SDCCAG8: variants seen among roughly 807,000 people sequenced by gnomAD.
SDCCAG8 encodes serologically defined colon cancer antigen 8.
A neutral mutation model predicts 101.8 loss-of-function variants in SDCCAG8; 74 were observed. The observed-to-expected ratio is 0.73, with a 90% CI of 0.60 to 0.88. The LOEUF is 0.88. Among genes scored for constraint, SDCCAG8 ranks in the 40% least tolerant of loss-of-function variants. The pLI, the probability that SDCCAG8 is intolerant of heterozygous loss-of-function variation, is 0.00. For synonymous variants in SDCCAG8, 281 were observed against 292.9 expected (o/e 0.96, Z 0.41); for missense variants, 787 against 822.6 (o/e 0.96, Z 0.53).
At chr1:243,483,903 G>A (rs1664273687) in intron 16 of SDCCAG8, among the ~76,000 whole-genome samples, 1 of 152,282 alleles carries the variant, frequency 6.6e-6, no homozygotes, top group African/African-American at 2.4e-5. Flanking sequence ...GTGCGGGCCC[G>A]GAGAGCTGCA....
intron 16 of SDCCAG8, among the ~76,000 whole-genome samples, chr1:243,439,522 G>C (rs2082382974): frequency 6.6e-6 from 1 of 151,936 alleles, no homozygotes; most frequent in Non-Finnish European, 1.5e-5. Context: ...CTACTCCAGA[G>C]GCTGAGGCAG....
intron 16 of SDCCAG8, among the ~76,000 whole-genome samples, chr1:243,465,683 A>G (rs1035855971): frequency 6.6e-6 from 1 of 152,256 alleles, no homozygotes; most frequent in Non-Finnish European, 1.5e-5. Context: ...TTCAGACACT[A>G]TAATTTAAAT....
chr1:243,393,792 G>A (rs1369469164), intron 13 of SDCCAG8, among the ~76,000 whole-genome samples: 1 of 152,158 alleles, frequency 6.6e-6, no homozygotes, highest in African/African-American at 2.4e-5. Context: ...TACCACATAT[G>A]TCTTTCACAA....
intron 16 of SDCCAG8, among the ~76,000 whole-genome samples, chr1:243,453,476 T>C (rs563837411): frequency 7.4e-4 from 113 of 152,270 alleles, no homozygotes; most frequent in Non-Finnish European, 1.5e-3. Context: ...GACAGGGTGT[T>C]GTTTAAATAG....
At chr1:243,427,874 G>A (rs1166994378) in intron 16 of SDCCAG8, among the ~76,000 whole-genome samples, 2 of 152,168 alleles carry the variant, frequency 1.3e-5, no homozygotes, top group African/African-American at 4.8e-5. Context: ...GTCTGCAAAC[G>A]TTTTCCGTAA....
intron 13 of SDCCAG8, among the ~76,000 whole-genome samples, chr1:243,385,595 G>A (rs1031609870): frequency 6.6e-6 from 1 of 152,160 alleles, no homozygotes; most frequent in African/African-American, 2.4e-5. Context: ...AGGTGTGCAT[G>A]TATGTATAAG....
intron 6 of SDCCAG8, among the ~76,000 whole-genome samples, chr1:243,294,514 A>AGAGAGAGAGAGAGAGAGG (rs1289710429): frequency 2.7e-5 from 4 of 148,792 alleles, no homozygotes; most frequent in African/African-American, 9.8e-5. Flanking sequence ...AGCGAGAGAG[A>AGAGAGAGAGAGAGAGAGG]GAGAGAGAGA....
At chr1:243,288,453 G>A (rs2069855783) in intron 5 of SDCCAG8, among the ~76,000 whole-genome samples, 1 of 151,764 alleles carries the variant, frequency 6.6e-6, no homozygotes, top group South Asian at 2.1e-4. Flanking sequence ...GCAACAGAGT[G>A]AGACCTTGCC....
chr1:243,357,130 G>A (rs1273576354), intron 12 of SDCCAG8, among the ~76,000 whole-genome samples: 6 of 152,098 alleles, frequency 3.9e-5, no homozygotes, highest in East Asian at 1.9e-4. Flanking sequence ...CTGTAATCCC[G>A]GCGCTTTGAG....
intron 13 of SDCCAG8, among the ~76,000 whole-genome samples, chr1:243,379,925 G>A (rs138743732): frequency 1.2e-4 from 18 of 152,260 alleles, no homozygotes; most frequent in Admixed American, 8.5e-4. Flanking sequence ...AACAGCCTGC[G>A]TTTGGAGAAA....
intron 4 of SDCCAG8, among the ~76,000 whole-genome samples, chr1:243,282,893 C>G (rs1041693547): frequency 2.6e-5 from 4 of 152,148 alleles, no homozygotes; most frequent in Non-Finnish European, 2.9e-5. Context: ...ATAGCACAGG[C>G]TGGAGTGCAG....
intron 10 of SDCCAG8, chr1:243,338,919 G>T (rs373761909): frequency 6.5e-6 from 1 of 153,370 alleles, no homozygotes; most frequent in African/African-American, 2.4e-5. Context: ...AGCTCCTGCC[G>T]TGTAATGTTG....
intron 13 of SDCCAG8, among the ~76,000 whole-genome samples, chr1:243,400,739 G>A (rs1405286923): frequency 6.6e-6 from 1 of 152,144 alleles, no homozygotes; most frequent in Non-Finnish European, 1.5e-5. Context: ...GTTCATTGAA[G>A]TTAGACACCT....
chr1:243,285,804 C>G (rs2069556045), intron 4 of SDCCAG8, among the ~76,000 whole-genome samples: 1 of 152,206 alleles, frequency 6.6e-6, no homozygotes, highest in Admixed American at 6.5e-5. Flanking sequence ...CTACAATTCT[C>G]TCTTATTTGG....
chr1:243,437,706 T>G (rs1574042258), intron 16 of SDCCAG8, among the ~76,000 whole-genome samples: 2 of 151,970 alleles, frequency 1.3e-5, no homozygotes, highest in South Asian at 4.2e-4. Context: ...CTGGCTAATT[T>G]TTTTTGTATT....
chr1:243,297,299 A>G (rs971735429), intron 6 of SDCCAG8, among the ~76,000 whole-genome samples: 2 of 152,178 alleles, frequency 1.3e-5, no homozygotes, highest in Non-Finnish European at 2.9e-5. Flanking sequence ...TGGGTCTGCT[A>G]TATGAACATA....
At chr1:243,466,219 A>T (rs1398470447) in intron 16 of SDCCAG8, among the ~76,000 whole-genome samples, 5 of 152,210 alleles carry the variant, frequency 3.3e-5, no homozygotes, top group Non-Finnish European at 7.3e-5. Context: ...ATATATATCA[A>T]TATTTGATTT....
intron 9 of SDCCAG8, among the ~76,000 whole-genome samples, chr1:243,322,909 G>A (rs1468972943): frequency 6.6e-6 from 1 of 152,046 alleles, no homozygotes; most frequent in Admixed American, 6.6e-5. Context: ...GGCTGAGGCA[G>A]GCAGATCACG....
At position 243,359,027 on chromosome 1, in the gene SDCCAG8, T is replaced by C. The variant is rs115608492; in HGVS notation, c.1473+14696T>C. Among the ~76,000 whole-genome samples, 1,083 of 152,246 alleles carry C rather than the reference T, an allele frequency of 7.1e-3. 13 individuals are homozygous for C. The highest frequency in any genetic ancestry group is 0.024 in the African/African-American group (1,000 of 41,534). The stretch of plus-strand genomic sequence containing the variant: ...GGTGATAAAATGTTCTAAAATCGGT[T>C]GTGGTAATAGTTGCACAACTATTTT... On this transcript the variant is annotated intron_variant, in intron 12 of 17. Transcript: ENST00000366541.
Sources: allele counts gnomAD v4.1 joint callset (sites outside exome capture counted in the v4.1 genomes callset), GRCh38; gene constraint gnomAD v4.1.1; transcripts MANE v1.5; gene names NCBI Gene and HGNC (gene_info 2026-07-23, HGNC 2026-07-21).